The following OOSP2 variants were observed in gnomAD, a reference collection of about 807,000 sequenced individuals.
OOSP2 encodes oocyte secreted protein 2.
A neutral mutation model predicts 13.4 loss-of-function variants in OOSP2; 7 were observed. The ratio of observed to expected loss-of-function variants is 0.52; its 90% CI spans 0.30 to 0.98. OOSP2 has a LOEUF of 0.98. Among genes scored for constraint, OOSP2 ranks in the 50% least tolerant of loss-of-function variants. The probability of loss-of-function intolerance (pLI) is 0.07; values close to 1 mark genes in which losing one functional copy is unlikely to be tolerated. For synonymous variants in OOSP2, 75 were observed against 67.2 expected (o/e 1.12, Z -0.57); for missense variants, 184 against 188.5 (o/e 0.98, Z 0.14).
At chr11:60,045,680 A>G (rs986458483) in intron 3 of OOSP2, among the ~76,000 whole-genome samples, 2 of 152,148 alleles carry the variant, frequency 1.3e-5, no homozygotes, top group Admixed American at 6.6e-5. Flanking sequence ...AAATGTACAA[A>G]TCTTTTAATT....
At position 60,044,719 on chromosome 11, in the gene OOSP2, C is replaced by T; in HGVS notation, c.292C>T (p.Pro98Ser). Residue 98 changes from proline (P) to serine (S), a missense_variant, in exon 3 of 4, where the codon CCA becomes TCA. Pro to Ser is a moderately conservative substitution (Grantham distance 74). Coordinates refer to ENST00000278855, the MANE Select transcript of OOSP2 (RefSeq NM_173801.5). The stretch of plus-strand genomic sequence containing the variant: ...TTTTCAAACCGAGCTGTACTTTACC[C>T]CAAGGAATATAGATCATGACCCTCA... ...LLFQTELYFT[P>S]RNIDHDPQEI... The T allele has an allele frequency of 6.2e-7, 1 of 1,605,706 alleles. No homozygotes were observed.
chr11:60,041,645 G>A (rs1854928567), intron 1 of OOSP2, among the ~76,000 whole-genome samples: 1 of 151,548 alleles, frequency 6.6e-6, no homozygotes, highest in African/African-American at 2.4e-5. Flanking sequence ...GTCAGGAGGA[G>A]TTCGAGACCA....
chr11:60,046,242 T>C (rs1328359708), intron 3 of OOSP2, among the ~76,000 whole-genome samples: 1 of 152,058 alleles, frequency 6.6e-6, no homozygotes, highest in African/African-American at 2.4e-5. Flanking sequence ...TCTCTCTCCA[T>C]CTCCATCTCT....
At chr11:60,045,125 T>A (rs1424605690) in intron 3 of OOSP2, among the ~76,000 whole-genome samples, 1 of 143,890 alleles carries the variant, frequency 6.9e-6, no homozygotes, top group Admixed American at 7.5e-5. Context: ...TCTTTCAATG[T>A]TTTGTCTTTT....
At chr11:60,043,852 G>C in intron 2 of OOSP2, 2 of 385,770 alleles carry the variant, frequency 5.2e-6, no homozygotes, top group Non-Finnish European at 9.3e-6. Flanking sequence ...TTATAAATTG[G>C]CTAGGGAACT....
chr11:60,042,087 C>G (rs747791951), intron 1 of OOSP2, among the ~76,000 whole-genome samples: 21 of 152,148 alleles, frequency 1.4e-4, no homozygotes, highest in African/African-American at 3.6e-4. Context: ...CCACTGCACT[C>G]CATCCTGGGT....
At chr11:60,046,006 C>T (rs1020839147) in intron 3 of OOSP2, among the ~76,000 whole-genome samples, 3 of 147,110 alleles carry the variant, frequency 2.0e-5, no homozygotes, top group African/African-American at 7.4e-5. Context: ...GTCCCTCTGT[C>T]TCTCACTCTG....
At chr11:60,045,298 A>G (rs1480050737) in intron 3 of OOSP2, among the ~76,000 whole-genome samples, 1 of 152,136 alleles carries the variant, frequency 6.6e-6, no homozygotes, top group Admixed American at 6.6e-5. Context: ...AATTTTGTGG[A>G]ACTGAGATAT....
Position 60,044,679 on chromosome 11 carries a change from T to A in OOSP2, c.252T>A (p.Ser84=). Reference sequence around the variant, plus strand: ...ACTTCATGCTCTCCTAGGTAGTTTCTGAGGAAACTCTCCTTTTTCAAACCG... The same window carrying A: ...ACTTCATGCTCTCCTAGGTAGTTTCAGAGGAAACTCTCCTTTTTCAAACCG... The part of the protein sequence containing the change: ...RDCGIRTRVV[S]EETLLFQTEL... The change falls in exon 3 of 4, where the codon TCT becomes TCA. Residue 84 remains serine, a synonymous_variant. Transcript: ENST00000278855. The A allele has an allele frequency of 6.5e-7, 1 of 1,526,742 alleles. No homozygotes were observed. Among genetic ancestry groups the A allele is most frequent in the Non-Finnish European group, 9.1e-7 (1 of 1,101,796 alleles). 94.6% of individuals were successfully genotyped at this position (1,526,742 alleles called of 1,614,324 possible). A position where few individuals can be genotyped will look rare whatever the true frequency, so the allele number is the denominator to read the frequency against.
At chr11:60,043,772 A>G in intron 2 of OOSP2, 125 bp downstream of exon 2, 1 of 561,074 alleles carries the variant, frequency 1.8e-6, no homozygotes, top group East Asian at 2.8e-5. Flanking sequence ...GGCAGGGGAC[A>G]ACGGAATTTA....
intron 1 of OOSP2, among the ~76,000 whole-genome samples, chr11:60,041,876 A>AAAAAAAAAAAAAC (rs1854934842): frequency 7.1e-6 from 1 of 140,482 alleles, no homozygotes; most frequent in Non-Finnish European, 1.5e-5. Context: ...AAAAAGCAAA[A>AAAAAAAAAAAAAC]CTCCGTCTGA....
intron 1 of OOSP2, 59 bp downstream of exon 1, chr11:60,040,582 C>A: frequency 1.0e-6 from 1 of 961,980 alleles, no homozygotes; most frequent in Non-Finnish European, 1.7e-6. Flanking sequence ...TGATCGCTTT[C>A]CATGCAGGTG....
intron 1 of OOSP2, among the ~76,000 whole-genome samples, chr11:60,043,049 C>CAT (rs1565054569): frequency 6.6e-6 from 1 of 152,020 alleles, no homozygotes. Flanking sequence ...GGACTACAGG[C>CAT]GCTTGCCACC....
Position 60,040,457 on chromosome 11 carries a change from T to TA in OOSP2, c.-3_-2insA. The TA allele has an allele frequency of 6.3e-7, 1 of 1,583,240 alleles. No individual in the cohort carries two copies. Among genetic ancestry groups the TA allele is most frequent in the Non-Finnish European group, 8.7e-7 (1 of 1,151,804 alleles). On this transcript the variant is annotated 5_prime_UTR_variant, in exon 1 of 4. Coordinates refer to ENST00000278855, the MANE Select transcript of OOSP2 (RefSeq NM_173801.5). ...CTGGAGGTCTGCTCAGACGAAGGTCTCCATGGCGTTAGAAGTCTTGATGCT... is the reference window on the plus strand; with the variant it reads ...CTGGAGGTCTGCTCAGACGAAGGTCTACCATGGCGTTAGAAGTCTTGATGCT...
rs770665461 is a variant in OOSP2 at position 60,044,716 on chromosome 11, A to AC, written c.293dup (p.Arg99LysfsTer6). ...CCTTTTTCAAACCGAGCTGTACTTTACCCCAAGGAATATAGATCATGACCC... is the reference window on the plus strand; with the variant it reads ...CCTTTTTCAAACCGAGCTGTACTTTACCCCCAAGGAATATAGATCATGACCC... On this transcript the variant is annotated frameshift_variant, in exon 3 of 4. Transcript: ENST00000278855. LOFTEE classifies it high-confidence loss of function. 12 of 1,604,968 alleles carry AC rather than the reference A, an allele frequency of 7.5e-6. No homozygotes were observed. The highest frequency in any genetic ancestry group is 1.0e-5 in the Non-Finnish European group (12 of 1,172,418).
At chr11:60,040,997 C>T (rs762855838) in intron 1 of OOSP2, among the ~76,000 whole-genome samples, 1 of 152,168 alleles carries the variant, frequency 6.6e-6, no homozygotes, top group Non-Finnish European at 1.5e-5. Context: ...AACTCATCAA[C>T]GGTTCTGCAA....
rs764256745 is a variant in OOSP2 at position 60,040,558 on chromosome 11, G to A, written c.64+35G>A. On this transcript the variant is annotated intron_variant, in intron 1 of 3. Transcript: ENST00000278855. ...AAGTTTTAGAGAATGCTTCCTCGAA[G>A]GAGTTAATCATAATGATCGCTTTCC... 62 of 1,183,932 alleles carry A rather than the reference G, an allele frequency of 5.2e-5. No homozygotes were observed. In the Middle Eastern group the frequency reaches 1.1e-3, roughly 22 times the overall value. The allele number at this position is 1,183,932 out of a possible 1,614,324, so 73.3% of individuals were successfully genotyped here.
In OOSP2 at chr11:60,047,210, G is replaced by A; in HGVS notation, c.*137G>A. 1 of 652,566 alleles carries A rather than the reference G, an allele frequency of 1.5e-6. No individual in the cohort carries two copies. Among genetic ancestry groups the A allele is most frequent in the South Asian group, 2.1e-5 (1 of 46,994 alleles). 40.4% of individuals were successfully genotyped at this position (652,566 alleles called of 1,614,324 possible). A position where few individuals can be genotyped will look rare whatever the true frequency, so the allele number is the denominator to read the frequency against. On this transcript the variant is annotated 3_prime_UTR_variant, in exon 4 of 4. Transcript: ENST00000278855. ...TTTCTAAAAACCCTACTTCAGTAAA[G>A]GTCCTGATTAGTTGATTAGTGAATG...
At chr11:60,045,654 T>C (rs1389118526) in intron 3 of OOSP2, among the ~76,000 whole-genome samples, 3 of 152,138 alleles carry the variant, frequency 2.0e-5, no homozygotes, top group Non-Finnish European at 2.9e-5. Context: ...GTATATAATC[T>C]TTTTTAATTT....
Sources: gnomAD v4.1 joint callset for allele counts (sites outside exome capture counted in the v4.1 genomes callset) on GRCh38, gnomAD v4.1.1 for gene constraint, MANE v1.5 for transcripts, NCBI Gene and HGNC (gene_info 2026-07-23, HGNC 2026-07-21) for gene names.